CD5L: variants seen among roughly 807,000 people sequenced by gnomAD.
CD5L encodes the protein CD5 antigen-like.
A neutral mutation model predicts 40.8 loss-of-function variants in CD5L; 39 were observed. That is an observed-to-expected ratio of 0.96 (90% CI 0.74 to 1.25). CD5L has a LOEUF of 1.25. Among genes scored for constraint, CD5L ranks in the 50% most tolerant of loss-of-function variants. The probability of loss-of-function intolerance (pLI) is 0.00; values close to 1 mark genes in which losing one functional copy is unlikely to be tolerated. For missense variants in CD5L, 433 were observed against 435.9 expected (o/e 0.99, Z 0.06); for synonymous variants, 192 against 169.6 (o/e 1.13, Z -1.03).
chr1:157,830,736 A>G (rs1281364665), downstream of CD5L, among the ~76,000 whole-genome samples: 1 of 152,214 alleles, frequency 6.6e-6, no homozygotes, highest in East Asian at 1.9e-4. Flanking sequence ...TTGGGTACAC[A>G]GGTTGGAGCA....
chr1:157,833,511 A>T lies in CD5L; in HGVS notation c.720T>A (p.Asp240Glu), dbSNP rs1656107309. 6.2e-7 allele frequency: 1 copy of T among 1,601,688 alleles called. No homozygotes were observed. The highest frequency in any genetic ancestry group is 1.1e-5 in the South Asian group (1 of 90,684). Reference protein sequence around the residue: ...HDEDTWVECEDPFDLRLVGGD... With the variant: ...HDEDTWVECEEPFDLRLVGGD... ...CTCCTACTAGTCTCAAGTCAAAGGG[A>T]TCTGCAGGATGGGGGAGGAAGTCAG... Residue 240 changes from aspartate (D) to glutamate (E), a missense_variant and splice_region_variant, in exon 5 of 6, where the codon GAT becomes GAA. Physicochemically the swap from Asp to Glu is conservative, Grantham distance 45. Transcript: ENST00000368174.
chr1:157,836,039 C>T lies in CD5L; in HGVS notation c.172G>A (p.Val58Met), dbSNP rs775721373. Reference protein sequence around the residue: ...VCDDGWDIKDVAVLCRELGCG... With the variant: ...VCDDGWDIKDMAVLCRELGCG... ...CCCAGCTCCCGGCACAACACAGCCA[C>T]GTCCTTAATGTCCCAGCCGTCATCA... The change falls in exon 3 of 6, where the codon GTG becomes ATG. Residue 58 changes from valine (V) to methionine (M), a missense_variant. Physicochemically the swap from Val to Met is conservative, Grantham distance 21. Coordinates refer to ENST00000368174, the MANE Select transcript of CD5L (RefSeq NM_005894.3). 13 of 1,614,066 alleles carry T rather than the reference C, an allele frequency of 8.1e-6. No individual in the cohort carries two copies. Among genetic ancestry groups the T allele is most frequent in the African/African-American group, 1.3e-5 (1 of 74,930 alleles).
intron 2 of CD5L, among the ~76,000 whole-genome samples, chr1:157,838,112 T>C (rs1048080502): frequency 2.3e-4 from 35 of 152,316 alleles, no homozygotes; most frequent in African/African-American, 8.4e-4. Context: ...AGGAAGCTTA[T>C]GTTTATTTCA....
Position 157,832,748 on chromosome 1 carries a change from T to A in CD5L, c.1039+444A>T, listed in dbSNP as rs887743161. On this transcript the variant is annotated intron_variant, in intron 5 of 5. Transcript: ENST00000368174. ...GATAGTTTAACTTAGAGTTTCAAGG[T>A]TAGGGTCATCCAAGAGAATAACCTT... 2.0e-5 allele frequency among the ~76,000 whole-genome samples: 3 copies of A among 152,162 alleles called. No individual in the cohort carries two copies. In the East Asian group the frequency reaches 5.8e-4, roughly 29 times the overall value.
chr1:157,835,016 C>T (rs1047020785), intron 3 of CD5L, among the ~76,000 whole-genome samples: 2 of 152,158 alleles, frequency 1.3e-5, no homozygotes, highest in African/African-American at 4.8e-5. Context: ...TCATTTGATC[C>T]TCACAAGAGA....
At position 157,835,992 on chromosome 1, in the gene CD5L, G is replaced by A; in HGVS notation, c.219C>T (p.Thr73=). The A allele has an allele frequency of 6.2e-7, 1 of 1,614,116 alleles. No individual in the cohort carries two copies. The highest frequency in any genetic ancestry group is 8.5e-7 in the Non-Finnish European group (1 of 1,180,036). Residue 73 remains threonine (T), a synonymous_variant, in exon 3 of 6, where the codon ACC becomes ACT. Transcript: ENST00000368174. The part of the protein sequence containing the change: ...RELGCGAASG[T]PSGILYEPPA... ...GTGGCTCATACAAAATACCACTAGG[G>A]GTTCCGCTGGCAGCTCCACAGCCCA...
chr1:157,830,878 T>C (rs1014898438), downstream of CD5L: 4 of 898,188 alleles, frequency 4.5e-6, no homozygotes, highest in Non-Finnish European at 5.3e-6. Flanking sequence ...TGCTTCTCTG[T>C]GGGCAGAAAG....
chr1:157,839,289 T>C, intron 2 of CD5L, 95 bp downstream of exon 2: 2 of 1,249,388 alleles, frequency 1.6e-6, no homozygotes, highest in Non-Finnish European at 2.3e-6. Flanking sequence ...GCTGGGCCTG[T>C]TTTGAACAAG....
intron 2 of CD5L, among the ~76,000 whole-genome samples, chr1:157,839,000 ACC>A (rs879766975): frequency 1.3e-5 from 2 of 152,216 alleles, no homozygotes; most frequent in African/African-American, 2.4e-5. Flanking sequence ...AAACAAAGAC[ACC>A]ATTAAGCCTG....
chr1:157,831,732 G>A lies in CD5L; in HGVS notation c.*232C>T. The A allele has an allele frequency of 7.9e-7, 1 of 1,272,562 alleles. No homozygotes were observed. 78.8% of individuals were successfully genotyped at this position (1,272,562 alleles called of 1,614,324 possible). ...GTCAGGGTTGAGCACAGGATACATG[G>A]AAGCTCATCTTCCCCAGCAAGAGGG... On this transcript the variant is annotated 3_prime_UTR_variant, in exon 6 of 6. Coordinates refer to ENST00000368174, the MANE Select transcript of CD5L (RefSeq NM_005894.3).
At chr1:157,835,774 C>A in intron 3 of CD5L, 61 bp downstream of exon 3, 3 of 1,398,574 alleles carry the variant, frequency 2.1e-6, no homozygotes, top group African/African-American at 1.4e-5. Context: ...TGAAGACCAA[C>A]AAGAGTGGCC....
At position 157,831,942 on chromosome 1, in the gene CD5L, C is replaced by G. The variant is rs775184558; in HGVS notation, c.*22G>C. The G allele has an allele frequency of 6.3e-7, 1 of 1,576,546 alleles. No homozygotes were observed. Among genetic ancestry groups the G allele is most frequent in the Non-Finnish European group, 8.6e-7 (1 of 1,163,894 alleles). Reference sequence around the variant, plus strand: ...AGAGGGCAGGCGGGGCCAGGGGGGCCAGGTCAAGCAACACCAGGATACTAT... The same window carrying G: ...AGAGGGCAGGCGGGGCCAGGGGGGCGAGGTCAAGCAACACCAGGATACTAT... On this transcript the variant is annotated 3_prime_UTR_variant, in exon 6 of 6. Transcript: ENST00000368174.
At chr1:157,841,652 C>A in intron 1 of CD5L, 22 bp downstream of exon 1, 2 of 1,609,672 alleles carry the variant, frequency 1.2e-6, no homozygotes, top group Non-Finnish European at 1.7e-6. Flanking sequence ...AAGCCTAAAC[C>A]AACAGGTGCA....
intron 1 of CD5L, among the ~76,000 whole-genome samples, chr1:157,841,001 G>A (rs1656355839): frequency 1.3e-5 from 2 of 152,092 alleles, no homozygotes; most frequent in South Asian, 4.2e-4. Flanking sequence ...GATTTACCAG[G>A]CATTGTTAGA....
intron 3 of CD5L, among the ~76,000 whole-genome samples, chr1:157,835,326 A>G (rs890182511): frequency 5.9e-5 from 9 of 152,212 alleles, no homozygotes; most frequent in African/African-American, 2.2e-4. Context: ...TGTGGGGGGA[A>G]GTAAAGGAGC....
Position 157,833,210 on chromosome 1 carries a change from C to T in CD5L, c.1021G>A (p.Val341Met). The T allele has an allele frequency of 6.2e-7, 1 of 1,613,502 alleles. No individual in the cohort carries two copies. The highest frequency in any genetic ancestry group is 8.5e-7 in the Non-Finnish European group (1 of 1,179,602). ...GACTCACCTGAGCAGATGACAGCCA[C>T]ATCTTCCTGGTGGGTGCAGTCGTGA... ...GFHDCTHQED[V>M]AVICSG The change falls in exon 5 of 6, where the codon GTG (valine) becomes ATG (methionine). Residue 341 changes from valine to methionine, a missense_variant. Coordinates refer to ENST00000368174, the MANE Select transcript of CD5L (RefSeq NM_005894.3).
chr1:157,838,625 T>C (rs1187644423), intron 2 of CD5L, among the ~76,000 whole-genome samples: 1 of 151,730 alleles, frequency 6.6e-6, no homozygotes, highest in Non-Finnish European at 1.5e-5. Flanking sequence ...AAAAAAAAAT[T>C]ACTTTTTTAA....
At chr1:157,829,543 T>G (rs886864868), downstream of CD5L, among the ~76,000 whole-genome samples, 7 of 152,282 alleles carry the variant, frequency 4.6e-5, no homozygotes, top group East Asian at 1.3e-3. Flanking sequence ...AAAAGTAATA[T>G]CTTGGAGTAA....
intron 4 of CD5L, among the ~76,000 whole-genome samples, chr1:157,833,810 T>C (rs1656116469): frequency 6.9e-6 from 1 of 145,938 alleles, no homozygotes; most frequent in African/African-American, 2.6e-5. Context: ...GGGTTTTCCA[T>C]ATGTTGCTCA....
Sources: gnomAD v4.1 joint callset for allele counts (sites outside exome capture counted in the v4.1 genomes callset) on GRCh38, gnomAD v4.1.1 for gene constraint, MANE v1.5 for transcripts, NCBI Gene and HGNC (gene_info 2026-07-23, HGNC 2026-07-21) for gene names.